OSBPL9: variants seen among roughly 807,000 people sequenced by gnomAD.
OSBPL9 encodes the protein oxysterol-binding protein-related protein 9.
In OSBPL9, 40 loss-of-function variants were observed where a neutral mutation model predicts 106.6. That is an observed-to-expected ratio of 0.38 (90% confidence interval 0.29 to 0.49). The LOEUF (loss-of-function observed/expected upper bound fraction) is 0.49. Among genes scored for constraint, OSBPL9 ranks in the 20% least tolerant of loss-of-function variants. The pLI is 0.97. For missense variants in OSBPL9, 609 were observed against 887.2 expected (o/e 0.69, Z 3.98); for synonymous variants, 269 against 295.4 (o/e 0.91, Z 0.92).
At chr1:51,550,554 C>G in the OSBPL9 span, among the ~76,000 whole-genome samples, 1 of 152,028 alleles carries the variant, frequency 6.6e-6, no homozygotes, top group Non-Finnish European at 1.5e-5. Flanking sequence ...GCTCTGTTAC[C>G]CAGGCTGGAG....
chr1:51,609,941 GT>G (rs1387722168), intron 2 of OSBPL9, among the ~76,000 whole-genome samples: 1 of 151,660 alleles, frequency 6.6e-6, no homozygotes, highest in African/African-American at 2.4e-5. Flanking sequence ...TAGAGATGGG[GT>G]TTCACCATGT....
chr1:51,589,219 G>A (rs1645261472), intron 1 of OSBPL9, among the ~76,000 whole-genome samples: 1 of 151,940 alleles, frequency 6.6e-6, no homozygotes, highest in Admixed American at 6.6e-5. Flanking sequence ...CTCCCAAGTA[G>A]CTGGGACCAC....
chr1:51,613,544 T>C (rs1258610520), upstream of OSBPL9, among the ~76,000 whole-genome samples: 1 of 152,156 alleles, frequency 6.6e-6, no homozygotes, highest in African/African-American at 2.4e-5. Context: ...TTAAAAGTGA[T>C]AAGATATATA....
intron 1 of OSBPL9, among the ~76,000 whole-genome samples, chr1:51,647,375 T>C (rs1646228388): frequency 6.6e-6 from 1 of 152,186 alleles, no homozygotes; most frequent in Middle Eastern, 3.2e-3. Flanking sequence ...AGATACTGTT[T>C]TTTACGTACG....
At chr1:51,625,380 C>A (rs1000950262) in intron 1 of OSBPL9, among the ~76,000 whole-genome samples, 1 of 151,992 alleles carries the variant, frequency 6.6e-6, no homozygotes, top group South Asian at 2.1e-4. Flanking sequence ...TAGGTAATCC[C>A]GATCAAAACT....
chr1:51,640,413 T>C (rs2148672645), intron 1 of OSBPL9, among the ~76,000 whole-genome samples: 1 of 152,360 alleles, frequency 6.6e-6, no homozygotes, highest in South Asian at 2.1e-4. Context: ...CTGTTGGAGA[T>C]ACAATTAAGT....
At chr1:51,761,781 A>G (rs1671559697) in intron 10 of OSBPL9, 86 bp from the exon 11 acceptor site, 1 of 1,046,294 alleles carries the variant, frequency 9.6e-7, no homozygotes, top group Admixed American at 1.8e-5. Context: ...ACTGGCCTTT[A>G]GGATTTTGAA....
intron 1 of OSBPL9, among the ~76,000 whole-genome samples, chr1:51,623,054 C>T (rs1022578594): frequency 6.6e-6 from 1 of 152,114 alleles, no homozygotes; most frequent in Non-Finnish European, 1.5e-5. Flanking sequence ...AGTAAATTGG[C>T]TTGAATACTG....
At chr1:51,688,286 C>G (rs889716519) in intron 3 of OSBPL9, among the ~76,000 whole-genome samples, 2 of 152,090 alleles carry the variant, frequency 1.3e-5, no homozygotes, top group African/African-American at 4.8e-5. Context: ...TATATAGAAA[C>G]TAGAACTAAG....
intron 2 of OSBPL9, among the ~76,000 whole-genome samples, chr1:51,600,946 G>A (rs1453707841): frequency 1.3e-5 from 2 of 152,228 alleles, no homozygotes; most frequent in African/African-American, 2.4e-5. Context: ...AGCTGTTGTG[G>A]ATGGTACAGA....
chr1:51,584,264 A>C (rs1283232141), intron 1 of OSBPL9, among the ~76,000 whole-genome samples: 2 of 152,242 alleles, frequency 1.3e-5, no homozygotes, highest in African/African-American at 4.8e-5. Context: ...GACACTTGGC[A>C]GCTTGTAGCA....
At chr1:51,538,014 G>A in the OSBPL9 span, among the ~76,000 whole-genome samples, 2 of 151,948 alleles carry the variant, frequency 1.3e-5, no homozygotes, top group African/African-American at 2.4e-5. Context: ...ATATAGGCTG[G>A]GCATGGTGGC....
intron 8 of OSBPL9, chr1:51,752,384 C>T (rs1441360287): frequency 6.2e-6 from 2 of 325,042 alleles, no homozygotes; most frequent in East Asian, 8.0e-5. Context: ...TTTCCTGACT[C>T]CTGTATCTAA....
chr1:51,633,492 C>T (rs899671613), intron 1 of OSBPL9, among the ~76,000 whole-genome samples: 3 of 151,234 alleles, frequency 2.0e-5, no homozygotes, highest in East Asian at 2.0e-4. Flanking sequence ...GGAATGGGTG[C>T]GAGGTAGAAG....
chr1:51,519,207 G>A, the OSBPL9 span: 1 of 1,416,728 alleles, frequency 7.1e-7, no homozygotes. Context: ...ACCTGTGTCA[G>A]AGAGAGCTGG....
chr1:51,755,478 A>G (rs529279710), intron 8 of OSBPL9, among the ~76,000 whole-genome samples: 188 of 152,332 alleles, frequency 1.2e-3, no homozygotes, highest in African/African-American at 4.4e-3. Flanking sequence ...TATGCGTTCA[A>G]TAGAAACTGT....
At chr1:51,691,700 AT>A (rs1173082364) in intron 3 of OSBPL9, among the ~76,000 whole-genome samples, 1 of 151,800 alleles carries the variant, frequency 6.6e-6, no homozygotes, top group African/African-American at 2.4e-5. Context: ...TTATAAAAAT[AT>A]TTTCTTTATA....
chr1:51,731,865 A>G (rs2148947208), intron 4 of OSBPL9, among the ~76,000 whole-genome samples: 1 of 152,294 alleles, frequency 6.6e-6, no homozygotes, highest in East Asian at 1.9e-4. Context: ...ACAACAGACA[A>G]GTTTCATCTG....
intron 7 of OSBPL9, among the ~76,000 whole-genome samples, chr1:51,749,325 T>G (rs901694622): frequency 1.3e-5 from 2 of 152,136 alleles, no homozygotes; most frequent in African/African-American, 4.8e-5. Context: ...TTTTATTTTT[T>G]TTTAAGAAAC....
Sources: allele counts gnomAD v4.1 joint callset (sites outside exome capture counted in the v4.1 genomes callset), GRCh38; gene constraint gnomAD v4.1.1; transcripts MANE v1.5; gene names NCBI Gene and HGNC (gene_info 2026-07-23, HGNC 2026-07-21).